RNF111: variants seen among roughly 807,000 people sequenced by gnomAD.
The protein encoded by RNF111 is E3 ubiquitin-protein ligase Arkadia.
A neutral mutation model predicts 95.1 loss-of-function variants in RNF111; 17 were observed. That is an observed-to-expected ratio of 0.18 (90% CI 0.12 to 0.27). The LOEUF is 0.27. Among genes scored for constraint, RNF111 ranks in the 10% least tolerant of loss-of-function variants. The pLI, the probability that RNF111 is intolerant of heterozygous loss-of-function variation, is 1.00. For synonymous variants in RNF111, 440 were observed against 414.8 expected, an observed-to-expected ratio of 1.06 and a Z score of -0.74; for missense variants, 1,189 against 1,210.4, an observed-to-expected ratio of 0.98 and a Z score of 0.26.
chr15:59,080,616 T>A (rs892718314), intron 7 of RNF111, among the ~76,000 whole-genome samples: 3 of 152,176 alleles, frequency 2.0e-5, no homozygotes, highest in Admixed American at 6.5e-5. Context: ...AGTGAGCATA[T>A]ACACAGATAT....
chr15:58,993,209 A>C (rs2038897780), intron 1 of RNF111, among the ~76,000 whole-genome samples: 1 of 151,970 alleles, frequency 6.6e-6, no homozygotes, highest in Non-Finnish European at 1.5e-5. Context: ...AAAATGTTTT[A>C]AAATAATTAG....
At chr15:59,069,073 C>CAA (rs397853868) in intron 6 of RNF111, among the ~76,000 whole-genome samples, 149 of 89,350 alleles carry the variant, frequency 1.7e-3, no homozygotes, top group South Asian at 4.6e-3. Context: ...GACTCCGTCT[C>CAA]AAAAAAAAAA....
chr15:59,028,967 A>T (rs1231668296), intron 1 of RNF111, among the ~76,000 whole-genome samples: 1 of 151,934 alleles, frequency 6.6e-6, no homozygotes, highest in African/African-American at 2.4e-5. Flanking sequence ...TTTAGTAGAG[A>T]TGGGGTTTCA....
intron 1 of RNF111, among the ~76,000 whole-genome samples, chr15:59,020,767 A>G (rs2040300142): frequency 6.6e-6 from 1 of 152,132 alleles, no homozygotes; most frequent in African/African-American, 2.4e-5. Flanking sequence ...ACATCCAGCT[A>G]CCAAACTCCA....
At chr15:59,019,649 G>C (rs1162474178) in intron 1 of RNF111, among the ~76,000 whole-genome samples, 1 of 152,112 alleles carries the variant, frequency 6.6e-6, no homozygotes, top group Non-Finnish European at 1.5e-5. Flanking sequence ...TTTTAAACAT[G>C]TTATTATTGG....
chr15:59,092,736 G>A (rs2079086422), intron 13 of RNF111, 96 bp downstream of exon 13: 2 of 1,245,990 alleles, frequency 1.6e-6, no homozygotes, highest in Non-Finnish European at 2.2e-6. Flanking sequence ...GCTCACACGT[G>A]TAATTCCAGC....
At position 59,011,953 on chromosome 15, in the gene RNF111, T is replaced by TTA. The variant is rs376354863; in HGVS notation, c.-19-18846_-19-18845dup. Among the ~76,000 whole-genome samples, 1,158 of 150,822 alleles carry TTA rather than the reference T, an allele frequency of 7.7e-3. 20 individuals carry two copies. The highest frequency in any genetic ancestry group is 0.027 in the African/African-American group (1,099 of 41,052). On this transcript the variant is annotated intron_variant, in intron 1 of 13. Transcript: ENST00000348370. ...AAAGTTGGGACCAAAGATTCCTAGC[T>TTA]TATATAAGAATAAGTGGCTTAATTT... is the stretch of plus-strand genomic sequence containing the variant.
intron 6 of RNF111, among the ~76,000 whole-genome samples, chr15:59,069,927 T>G (rs546349540): frequency 6.6e-6 from 1 of 151,566 alleles, no homozygotes; most frequent in Admixed American, 6.6e-5. Flanking sequence ...GATGCAGTAG[T>G]CATGTAGATA....
chr15:59,016,016 A>G (rs2040048452), intron 1 of RNF111, among the ~76,000 whole-genome samples: 1 of 150,924 alleles, frequency 6.6e-6, no homozygotes, highest in Non-Finnish European at 1.5e-5. Flanking sequence ...ACACCTAGAT[A>G]ACTTTTGTAT....
At chr15:59,069,341 T>C (rs1202853750) in intron 6 of RNF111, among the ~76,000 whole-genome samples, 3 of 152,224 alleles carry the variant, frequency 2.0e-5, no homozygotes, top group African/African-American at 7.2e-5. Context: ...GGTTACATGA[T>C]GCTTCATAAA....
intron 5 of RNF111, 62 bp from the exon 6 acceptor site, chr15:59,066,702 T>A: frequency 7.7e-7 from 1 of 1,296,430 alleles, no homozygotes; most frequent in African/African-American, 1.5e-5. Flanking sequence ...ACCCCATACC[T>A]ATTTTTTTAC....
At chr15:59,004,033 A>G (rs747700438) in intron 1 of RNF111, 43 of 325,794 alleles carry the variant, frequency 1.3e-4, no homozygotes, top group Non-Finnish European at 1.9e-4. Context: ...TGAGTGACCT[A>G]TCCTGTGTTT....
chr15:59,072,435 C>T (rs992138987), intron 6 of RNF111, among the ~76,000 whole-genome samples: 60 of 147,352 alleles, frequency 4.1e-4, no homozygotes, highest in African/African-American at 1.4e-3. Flanking sequence ...CTAAATCTTT[C>T]GCTGTCATTT....
At chr15:59,074,893 C>T (rs1297384019) in intron 6 of RNF111, among the ~76,000 whole-genome samples, 1 of 152,134 alleles carries the variant, frequency 6.6e-6, no homozygotes, top group Non-Finnish European at 1.5e-5. Flanking sequence ...CCTTTCACTT[C>T]AATACCAGAG....
At chr15:58,988,256 C>T (rs2038656052) in intron 1 of RNF111, 188 bp downstream of exon 1, 1 of 152,200 alleles carries the variant, frequency 6.6e-6, no homozygotes, top group African/African-American at 2.4e-5. Context: ...TGTGTTTGGG[C>T]AAGGCATTCG....
chr15:59,053,559 GC>G (rs1290545605), intron 3 of RNF111, among the ~76,000 whole-genome samples: 2 of 152,106 alleles, frequency 1.3e-5, no homozygotes, highest in Non-Finnish European at 2.9e-5. Flanking sequence ...ACTTCTAAAG[GC>G]ATGGAAGTGA....
At position 59,091,607 on chromosome 15, in the gene RNF111, T is replaced by G. The variant is rs553979259; in HGVS notation, c.2739+453T>G. 2.4e-4 allele frequency among the ~76,000 whole-genome samples: 37 copies of G among 152,332 alleles called. No individual in the cohort carries two copies. The South Asian group carries it at 5.2e-3, about 21-fold the overall frequency. On this transcript the variant is annotated intron_variant, in intron 12 of 13. Coordinates refer to ENST00000348370, the MANE Select transcript of RNF111 (RefSeq NM_017610.8). ...AACTAGCAATTTATTTTGACGGACA[T>G]TTTATTGATGTATGTTTCTTCTACT...
rs972056752 is a variant in RNF111 at position 59,001,293 on chromosome 15, A to G, written c.-20+13225A>G. ...GGGTTCATGTTCTTCAGTTATATGA[A>G]ATATTTACATTGCCTTTGATAACTT... On this transcript the variant is annotated intron_variant, in intron 1 of 13. Coordinates refer to ENST00000348370, the MANE Select transcript of RNF111 (RefSeq NM_017610.8). Among the ~76,000 whole-genome samples the G allele has an allele frequency of 3.3e-5, 5 of 152,092 alleles. No individual in the cohort carries two copies. In the East Asian group the frequency reaches 9.6e-4, roughly 29 times the overall value.
chr15:59,044,218 A>G (rs1240803054), intron 2 of RNF111, among the ~76,000 whole-genome samples: 1 of 152,104 alleles, frequency 6.6e-6, no homozygotes, highest in East Asian at 1.9e-4. Flanking sequence ...ATTAATAGAG[A>G]CGGGGTTTTG....
Sources: gnomAD v4.1 joint callset for allele counts (sites outside exome capture counted in the v4.1 genomes callset) on GRCh38, gnomAD v4.1.1 for gene constraint, MANE v1.5 for transcripts, NCBI Gene and HGNC (gene_info 2026-07-23, HGNC 2026-07-21) for gene names.